Variants in SNAP91 observed in about 807,000 individuals in gnomAD.
SNAP91 encodes the protein clathrin coat assembly protein AP180.
SNAP91 carries 27 observed loss-of-function variants against 100.3 expected under a neutral mutation model. The observed-to-expected ratio is 0.27, with a 90% CI of 0.20 to 0.37. The LOEUF (loss-of-function observed/expected upper bound fraction) is 0.37, where lower values mean the gene tolerates loss of function less well. Among genes scored for constraint, SNAP91 ranks in the 10% least tolerant of loss-of-function variants. The pLI, the probability that SNAP91 is intolerant of heterozygous loss-of-function variation, is 1.00. For synonymous variants in SNAP91, 404 were observed against 398.6 expected (o/e 1.01, Z -0.16); for missense variants, 986 against 1,123.7 (o/e 0.88, Z 1.75).
At chr6:83,704,976 G>C (rs978180692) in intron 2 of SNAP91, among the ~76,000 whole-genome samples, 3 of 152,176 alleles carry the variant, frequency 2.0e-5, no homozygotes, top group Admixed American at 6.5e-5. Context: ...CTGAAAACCT[G>C]TGAATAAATT....
intron 28 of SNAP91, among the ~76,000 whole-genome samples, chr6:83,558,098 T>C (rs181141974): frequency 5.1e-4 from 78 of 152,188 alleles, no homozygotes; most frequent in Middle Eastern, 3.4e-3. Context: ...AATAAATTGT[T>C]GCTAACTTTG....
intron 2 of SNAP91, among the ~76,000 whole-genome samples, chr6:83,705,860 G>A (rs1206513393): frequency 1.3e-5 from 2 of 150,988 alleles, no homozygotes; most frequent in Non-Finnish European, 2.9e-5. Flanking sequence ...AACCCATTAA[G>A]TGATGAAAGA....
chr6:83,588,010 T>C (rs578166318), intron 22 of SNAP91, among the ~76,000 whole-genome samples: 4 of 152,160 alleles, frequency 2.6e-5, no homozygotes, highest in Non-Finnish European at 5.9e-5. Context: ...TTGTTTTCAG[T>C]AGAGATTAGG....
At position 83,561,919 on chromosome 6, in the gene SNAP91, C is replaced by T. The variant is rs150908661; in HGVS notation, c.2443-972G>A. Among the ~76,000 whole-genome samples, 1,025 of 152,122 alleles carry T rather than the reference C, an allele frequency of 6.7e-3. 9 individuals are homozygous for T. Among genetic ancestry groups the T allele is most frequent in the African/African-American group, 0.021 (857 of 41,494 alleles). On this transcript the variant is annotated intron_variant, in intron 26 of 29. Transcript: ENST00000369694. Reference sequence around the variant, plus strand: ...GTGTGTGCCTGTAGTCTTAGCTACTCGGGAGGCTGAGGTGGGAGGACAGCC... The same window carrying T: ...GTGTGTGCCTGTAGTCTTAGCTACTTGGGAGGCTGAGGTGGGAGGACAGCC...
intron 24 of SNAP91, among the ~76,000 whole-genome samples, chr6:83,579,432 T>C (rs1824744770): frequency 6.6e-6 from 1 of 152,314 alleles, no homozygotes; most frequent in South Asian, 2.1e-4. Flanking sequence ...AGTATTTTCA[T>C]GGTTGCTCAA....
intron 1 of SNAP91, 135 bp downstream of exon 1, chr6:83,708,710 C>G (rs980220449): frequency 1.3e-5 from 2 of 152,518 alleles, no homozygotes; most frequent in Admixed American, 1.3e-4. Context: ...GAAGCCCAGT[C>G]CCCCGCCCGC....
chr6:83,659,095 A>T lies in SNAP91; in HGVS notation c.453-3T>A. The T allele has an allele frequency of 6.4e-7, 1 of 1,550,650 alleles. No homozygotes were observed. Among genetic ancestry groups the T allele is most frequent in the Non-Finnish European group, 8.7e-7 (1 of 1,149,694 alleles). On this transcript the variant is annotated splice_region_variant and splice_polypyrimidine_tract_variant and intron_variant, in intron 5 of 29. Transcript: ENST00000369694. ...TTGTCCTCATTACACCATCGGCCCT[A>T]CAATTAAAAAAAAAAAAAAGGTACA...
intron 2 of SNAP91, among the ~76,000 whole-genome samples, chr6:83,687,866 A>T (rs2099081179): frequency 6.6e-6 from 1 of 152,124 alleles, no homozygotes; most frequent in Admixed American, 6.6e-5. Flanking sequence ...GGTAGGAGAG[A>T]AATAAAGGAG....
chr6:83,654,242 T>G (rs1382097529), intron 7 of SNAP91, among the ~76,000 whole-genome samples: 3 of 152,182 alleles, frequency 2.0e-5, no homozygotes, highest in Non-Finnish European at 4.4e-5. Context: ...CGTGAGTCTC[T>G]GTTCCAGTAA....
At chr6:83,618,213 G>C (rs1458216912) in intron 9 of SNAP91, among the ~76,000 whole-genome samples, 2 of 151,616 alleles carry the variant, frequency 1.3e-5, no homozygotes, top group Non-Finnish European at 3.0e-5. Flanking sequence ...TTGTAATTAT[G>C]TGATTATTAT....
chr6:83,592,703 C>T (rs12530467), intron 20 of SNAP91, among the ~76,000 whole-genome samples, 165 bp from the exon 21 acceptor site: 6,376 of 152,198 alleles, frequency 0.042, 414 homozygotes, highest in East Asian at 0.18. Context: ...AATACACGCT[C>T]TCCAGAACAA....
At chr6:83,571,110 CTT>C (rs60946158) in intron 26 of SNAP91, among the ~76,000 whole-genome samples, 16 of 145,102 alleles carry the variant, frequency 1.1e-4, no homozygotes, top group African/African-American at 3.7e-4. Flanking sequence ...GCGCCCACCT[CTT>C]TTTTTTTTTT....
intron 29 of SNAP91, among the ~76,000 whole-genome samples, chr6:83,555,009 T>C (rs561709029): frequency 1.3e-5 from 2 of 152,300 alleles, no homozygotes; most frequent in South Asian, 4.1e-4. Flanking sequence ...TCAAAGTTCC[T>C]GGCATATGAT....
intron 16 of SNAP91, among the ~76,000 whole-genome samples, chr6:83,596,997 G>A (rs902165472): frequency 3.9e-5 from 6 of 152,152 alleles, no homozygotes; most frequent in African/African-American, 1.4e-4. Flanking sequence ...TATCACTTAT[G>A]TGTAAGGAGA....
At chr6:83,601,089 C>G (rs2095156474) in intron 16 of SNAP91, among the ~76,000 whole-genome samples, 182 bp downstream of exon 16, 1 of 152,062 alleles carries the variant, frequency 6.6e-6, no homozygotes, top group South Asian at 2.1e-4. Flanking sequence ...TATAAAATTA[C>G]TAAAATTAAG....
At chr6:83,611,622 G>C (rs1218242362) in intron 11 of SNAP91, among the ~76,000 whole-genome samples, 1 of 151,614 alleles carries the variant, frequency 6.6e-6, no homozygotes, top group African/African-American at 2.4e-5. Flanking sequence ...TTAGTAAGTA[G>C]AATTTTGTAC....
At chr6:83,678,116 CAT>C (rs1374906487) in intron 2 of SNAP91, among the ~76,000 whole-genome samples, 1 of 152,202 alleles carries the variant, frequency 6.6e-6, no homozygotes, top group Non-Finnish European at 1.5e-5. Flanking sequence ...TAAATTAACA[CAT>C]GTCCTATTTA....
intron 13 of SNAP91, 22 bp downstream of exon 13, chr6:83,607,677 A>T: frequency 7.2e-7 from 1 of 1,395,442 alleles, no homozygotes; most frequent in South Asian, 1.3e-5. Flanking sequence ...ATAAACAGTT[A>T]ACTGCATATT....
At chr6:83,678,928 G>T (rs2098948532) in intron 2 of SNAP91, 1 of 1,038,788 alleles carries the variant, frequency 9.6e-7, no homozygotes, top group Non-Finnish European at 1.2e-6. Context: ...TAAAAAGAAA[G>T]AAATAATATC....
Sources: gnomAD v4.1 joint callset for allele counts (sites outside exome capture counted in the v4.1 genomes callset) on GRCh38, gnomAD v4.1.1 for gene constraint, MANE v1.5 for transcripts, NCBI Gene and HGNC (gene_info 2026-07-23, HGNC 2026-07-21) for gene names.